AIFM3: variants seen among roughly 807,000 people sequenced by gnomAD.
The protein encoded by AIFM3 is AIF family member 3.
AIFM3 carries 71 observed loss-of-function variants against 82.7 expected under a neutral mutation model. That is an observed-to-expected ratio of 0.86 (90% CI 0.71 to 1.05). AIFM3 has a LOEUF of 1.05. Ranked by LOEUF, AIFM3 falls within the 50% of genes least tolerant of loss-of-function variation. The pLI is 0.00. For synonymous variants in AIFM3, 337 were observed against 329.1 expected, an observed-to-expected ratio of 1.02 and a Z score of -0.26; for missense variants, 748 against 816.7, an observed-to-expected ratio of 0.92 and a Z score of 1.03.
chr22:20,966,404 C>T (rs1182887941), upstream of AIFM3: 1 of 152,188 alleles, frequency 6.6e-6, no homozygotes, highest in Non-Finnish European at 1.5e-5. Flanking sequence ...GAGCCACCGC[C>T]TCCTCCCCTG....
intron 1 of AIFM3, 119 bp from the exon 2 acceptor site, chr22:20,967,686 G>A (rs553061269): frequency 1.6e-5 from 9 of 570,602 alleles, no homozygotes; most frequent in Admixed American, 6.5e-5. Context: ...TCAGGCTCAC[G>A]CCATGGTTCC....
chr22:20,973,080 G>A (rs922828348), intron 2 of AIFM3, among the ~76,000 whole-genome samples: 11 of 150,904 alleles, frequency 7.3e-5, no homozygotes, highest in African/African-American at 2.4e-4. Flanking sequence ...ATGCAGAAAC[G>A]AATTCAAGCA....
chr22:20,965,624 G>A (rs1408665023), upstream of AIFM3: 1 of 152,974 alleles, frequency 6.5e-6, no homozygotes, highest in East Asian at 1.9e-4. Context: ...CCCCACACTC[G>A]AAGGCAGGAC....
At chr22:20,976,817 C>A (rs749216020) in intron 12 of AIFM3, 50 bp from the exon 13 acceptor site, 1 of 1,593,874 alleles carries the variant, frequency 6.3e-7, no homozygotes, top group Non-Finnish European at 8.6e-7. Flanking sequence ...CCCAGCCCGG[C>A]CCCTGGCTGG....
At chr22:20,970,285 CTG>C (rs1923187760) in intron 2 of AIFM3, among the ~76,000 whole-genome samples, 1 of 152,068 alleles carries the variant, frequency 6.6e-6, no homozygotes, top group African/African-American at 2.4e-5. Flanking sequence ...GCTGTTCTCT[CTG>C]TTTTATTTTC....
chr22:20,968,622 C>G (rs1328354963), intron 2 of AIFM3, among the ~76,000 whole-genome samples: 1 of 152,138 alleles, frequency 6.6e-6, no homozygotes, highest in Admixed American at 6.5e-5. Context: ...GGTCTTTTCT[C>G]CACTAAAGAC....
At position 20,967,942 on chromosome 22, in the gene AIFM3, G is replaced by C; in HGVS notation, c.-3G>C. On this transcript the variant is annotated 5_prime_UTR_variant, in exon 2 of 21. Coordinates refer to ENST00000440238, the MANE Select transcript of AIFM3 (RefSeq NM_001386814.1). ...CCTGCCGGCCATCCTCAGGCCACTCGCCATGGGCGGCTGCTTCTCCAAACC... is the reference window on the plus strand; with the variant it reads ...CCTGCCGGCCATCCTCAGGCCACTCCCCATGGGCGGCTGCTTCTCCAAACC... 1 of 1,614,100 alleles carries C rather than the reference G, an allele frequency of 6.2e-7. No individual in the cohort carries two copies. The highest frequency in any genetic ancestry group is 1.6e-4 in the Middle Eastern group (1 of 6,062).
At chr22:20,971,839 C>A (rs945260790) in intron 2 of AIFM3, among the ~76,000 whole-genome samples, 10 of 152,272 alleles carry the variant, frequency 6.6e-5, no homozygotes, top group Admixed American at 5.9e-4. Flanking sequence ...GAAAAATATC[C>A]CAGGCACATC....
upstream of AIFM3, chr22:20,967,075 C>G (rs905289566): frequency 6.5e-6 from 1 of 152,822 alleles, no homozygotes; most frequent in African/African-American, 2.4e-5. Context: ...CAGGCCCGGG[C>G]TGGCCGCCCA....
intron 8 of AIFM3, 129 bp from the exon 9 acceptor site, chr22:20,975,563 C>A (rs570361378): frequency 9.7e-5 from 80 of 827,314 alleles, no homozygotes; most frequent in Non-Finnish European, 1.5e-4. Context: ...AGTCACTGCG[C>A]CTGGCCAGAT....
At chr22:20,979,223 G>A in intron 16 of AIFM3, 48 bp from the exon 17 acceptor site, 1 of 1,539,850 alleles carries the variant, frequency 6.5e-7, no homozygotes, top group East Asian at 2.4e-5. Flanking sequence ...GGTAGTGTGG[G>A]AGTGGTAAGA....
In AIFM3 at chr22:20,974,610, T is replaced by C. The variant is rs144284647; in HGVS notation, c.596T>C (p.Ile199Thr). 831 of 1,613,764 alleles carry C rather than the reference T, an allele frequency of 5.1e-4. 17 individuals carry two copies. In the East Asian group the frequency reaches 0.014, roughly 27 times the overall value. Reference sequence around the variant, plus strand: ...TACAGCAGTAGCACCAATGTGCTCATTGTGGGTGCAGGTTGGTAGTGGGGT... The same window carrying C: ...TACAGCAGTAGCACCAATGTGCTCACTGTGGGTGCAGGTTGGTAGTGGGGT... ...AGYSSSTNVL[I>T]VGAGAAGLVC... The change falls in exon 7 of 21, where the codon ATT becomes ACT. Residue 199 changes from isoleucine (I) to threonine (T), a missense_variant. Ile to Thr is a moderately conservative substitution (Grantham distance 89). Coordinates refer to ENST00000440238, the MANE Select transcript of AIFM3 (RefSeq NM_001386814.1).
intron 19 of AIFM3, 134 bp from the exon 20 acceptor site, chr22:20,980,613 C>A (rs771352346): frequency 2.5e-5 from 28 of 1,125,226 alleles, no homozygotes; most frequent in Non-Finnish European, 3.4e-5. Context: ...TGGGGACAGC[C>A]TGGAGGCCAC....
chr22:20,974,601 ATGTGCTCAT>A lies in AIFM3; in HGVS notation c.592_600del (p.Leu198_Val200del). On this transcript the variant is annotated inframe_deletion, in exon 7 of 21. Coordinates refer to ENST00000440238, the MANE Select transcript of AIFM3 (RefSeq NM_001386814.1). The stretch of plus-strand genomic sequence containing the variant: ...AGTGCTGGGTACAGCAGTAGCACCA[ATGTGCTCAT>A]TGTGGGTGCAGGTTGGTAGTGGGGT... The A allele has an allele frequency of 6.2e-7, 1 of 1,613,818 alleles. No homozygotes were observed. The highest frequency in any genetic ancestry group is 8.5e-7 in the Non-Finnish European group (1 of 1,179,920).
intron 14 of AIFM3, chr22:20,977,333 A>G: frequency 3.2e-6 from 2 of 618,410 alleles, no homozygotes; most frequent in Non-Finnish European, 5.7e-6. Context: ...ACTCATCTCC[A>G]TGCCCTGCGA....
chr22:20,976,791 C>A, intron 12 of AIFM3, 25 bp downstream of exon 12: 2 of 1,605,544 alleles, frequency 1.2e-6, no homozygotes, highest in South Asian at 1.1e-5. Flanking sequence ...GCACCCAGTG[C>A]CTTGGAGCCC....
chr22:20,974,293 G>A lies in AIFM3; in HGVS notation c.507G>A (p.Lys169=), dbSNP rs1197760796. 3 of 1,613,466 alleles carry A rather than the reference G, an allele frequency of 1.9e-6. No individual in the cohort carries two copies. The highest frequency in any genetic ancestry group is 2.5e-6 in the Non-Finnish European group (3 of 1,179,966). Residue 169 remains lysine, a synonymous_variant, in exon 6 of 21, where the codon AAG becomes AAA. Transcript: ENST00000440238. ...AGAAGGTGTACGTCCGGGCCAGCAA[G>A]CAGGTGAGGGGATAGCTCGGGGCTC... The part of the protein sequence containing the change: ...EKEKVYVRAS[K]QALQLQRRTK...
At chr22:20,979,765 A>C in intron 18 of AIFM3, 63 bp downstream of exon 18, 1 of 1,587,434 alleles carries the variant, frequency 6.3e-7, no homozygotes, top group Non-Finnish European at 8.6e-7. Flanking sequence ...AGGGGGATTC[A>C]TCCCAGGCAA....
chr22:20,975,632 C>T, intron 8 of AIFM3, 60 bp from the exon 9 acceptor site: 1 of 1,564,304 alleles, frequency 6.4e-7, no homozygotes, highest in Non-Finnish European at 8.8e-7. Flanking sequence ...CCCCACCTTC[C>T]CTGGGCCCCA....
Sources: gnomAD v4.1 joint callset for allele counts (sites outside exome capture counted in the v4.1 genomes callset) on GRCh38, gnomAD v4.1.1 for gene constraint, MANE v1.5 for transcripts, NCBI Gene and HGNC (gene_info 2026-07-23, HGNC 2026-07-21) for gene names.